Variants in RALYL observed in about 807,000 individuals in gnomAD.
RALYL encodes the protein RNA-binding Raly-like protein.
RALYL carries 29 observed loss-of-function variants against 35.1 expected under a neutral mutation model. The observed-to-expected ratio is 0.83, with a 90% CI of 0.61 to 1.13. RALYL has a LOEUF of 1.13. Among genes scored for constraint, RALYL ranks in the 50% most tolerant of loss-of-function variants. RALYL has a pLI of 0.00. For synonymous variants in RALYL, 120 were observed against 127.6 expected, an observed-to-expected ratio of 0.94 and a Z score of 0.40; for missense variants, 359 against 360.4, an observed-to-expected ratio of 1.00 and a Z score of 0.03.
At chr8:84,445,558 A>G (rs1268831672) in intron 1 of RALYL, among the ~76,000 whole-genome samples, 1 of 151,878 alleles carries the variant, frequency 6.6e-6, no homozygotes, top group Non-Finnish European at 1.5e-5. Flanking sequence ...TTGGAAATTA[A>G]ATCATTAAAA....
intron 1 of RALYL, among the ~76,000 whole-genome samples, chr8:84,462,929 TATTC>T (rs537982905): frequency 1.3e-5 from 2 of 151,896 alleles, no homozygotes; most frequent in Non-Finnish European, 1.5e-5. Context: ...TAACCTGAGT[TATTC>T]ATTCATTCAT....
intron 1 of RALYL, among the ~76,000 whole-genome samples, chr8:84,509,840 G>A (rs1168884599): frequency 6.6e-6 from 1 of 152,140 alleles, no homozygotes; most frequent in Non-Finnish European, 1.5e-5. Flanking sequence ...TCATATGGGT[G>A]TATTTCTGAG....
chr8:84,562,318 T>C (rs1476274669), intron 2 of RALYL, among the ~76,000 whole-genome samples: 3 of 151,858 alleles, frequency 2.0e-5, no homozygotes, highest in South Asian at 2.1e-4. Context: ...ACCTGCAGTA[T>C]TTTTTTATTC....
chr8:84,793,452 G>A (rs1289049460), intron 3 of RALYL, among the ~76,000 whole-genome samples: 2 of 152,178 alleles, frequency 1.3e-5, no homozygotes, highest in African/African-American at 2.4e-5. Context: ...GAGACCATTC[G>A]AGACATTGAC....
chr8:84,491,448 T>G (rs185920607), intron 1 of RALYL, among the ~76,000 whole-genome samples: 1 of 152,184 alleles, frequency 6.6e-6, no homozygotes, highest in East Asian at 1.9e-4. Context: ...AGTCAATGTT[T>G]GTTTATTTCC....
At chr8:84,343,386 G>C (rs1487038429) in intron 1 of RALYL, among the ~76,000 whole-genome samples, 1 of 151,956 alleles carries the variant, frequency 6.6e-6, no homozygotes, top group African/African-American at 2.4e-5. Flanking sequence ...TATCAATGCT[G>C]ACATTGATAC....
intron 1 of RALYL, among the ~76,000 whole-genome samples, chr8:84,413,912 C>G (rs1314113237): frequency 6.6e-6 from 1 of 151,914 alleles, no homozygotes; most frequent in African/African-American, 2.4e-5. Context: ...TTACTTTGAA[C>G]CTTATTTGTC....
intron 2 of RALYL, among the ~76,000 whole-genome samples, chr8:84,616,595 A>C (rs1467473164): frequency 4.7e-5 from 7 of 148,058 alleles, no homozygotes; most frequent in South Asian, 2.1e-4. Flanking sequence ...TCTTTAGTTT[A>C]ATTAGATCCC....
At chr8:84,305,308 G>C (rs1413599108) in intron 1 of RALYL, among the ~76,000 whole-genome samples, 1 of 152,110 alleles carries the variant, frequency 6.6e-6, no homozygotes, top group Non-Finnish European at 1.5e-5. Flanking sequence ...AGCTTTCACT[G>C]ATTCCTTGCT....
chr8:84,561,512 C>T (rs984139269), intron 2 of RALYL, among the ~76,000 whole-genome samples: 2 of 151,866 alleles, frequency 1.3e-5, no homozygotes, highest in African/African-American at 2.4e-5. Flanking sequence ...ATGTTTTTTC[C>T]TATACATACA....
chr8:84,640,314 AC>A (rs1237850698), intron 2 of RALYL, among the ~76,000 whole-genome samples: 1 of 152,014 alleles, frequency 6.6e-6, no homozygotes, highest in Non-Finnish European at 1.5e-5. Flanking sequence ...TTTTGATAAA[AC>A]CTAAAATGTT....
At chr8:84,688,470 G>A (rs1837300373) in intron 2 of RALYL, among the ~76,000 whole-genome samples, 1 of 152,176 alleles carries the variant, frequency 6.6e-6, no homozygotes, top group Admixed American at 6.6e-5. Flanking sequence ...ACACAATGGG[G>A]AAAGGAAAAT....
chr8:84,407,827 GCT>G (rs2043697453), intron 1 of RALYL, among the ~76,000 whole-genome samples: 1 of 151,952 alleles, frequency 6.6e-6, no homozygotes. Flanking sequence ...TATGAAACAG[GCT>G]TAGCATCATC....
intron 1 of RALYL, among the ~76,000 whole-genome samples, chr8:84,390,805 C>T (rs1233648206): frequency 6.6e-6 from 1 of 151,880 alleles, no homozygotes; most frequent in East Asian, 1.9e-4. Context: ...CTTGTCATGT[C>T]TAATAATGGG....
At chr8:84,286,925 G>A (rs1410255272) in intron 1 of RALYL, among the ~76,000 whole-genome samples, 3 of 152,146 alleles carry the variant, frequency 2.0e-5, no homozygotes, top group African/African-American at 7.2e-5. Context: ...AATCCATTTG[G>A]TGGGGGTCCC....
chr8:84,580,493 C>G (rs1242954598), intron 2 of RALYL, among the ~76,000 whole-genome samples: 1 of 152,184 alleles, frequency 6.6e-6, no homozygotes, highest in Non-Finnish European at 1.5e-5. Context: ...TTTTAAACAA[C>G]CAGCTCTTAT....
chr8:84,666,298 A>T (rs1013157493), intron 2 of RALYL, among the ~76,000 whole-genome samples: 2 of 152,080 alleles, frequency 1.3e-5, no homozygotes, highest in Non-Finnish European at 2.9e-5. Flanking sequence ...CTATTGAAAA[A>T]GGGCCTTCAT....
At chr8:84,479,628 A>T (rs2053844775) in intron 1 of RALYL, among the ~76,000 whole-genome samples, 1 of 152,164 alleles carries the variant, frequency 6.6e-6, no homozygotes, top group Non-Finnish European at 1.5e-5. Flanking sequence ...TATATCTAAT[A>T]ATTATTCTTA....
chr8:84,384,208 G>C (rs923927845), intron 1 of RALYL, among the ~76,000 whole-genome samples: 1 of 151,540 alleles, frequency 6.6e-6, no homozygotes, highest in Non-Finnish European at 1.5e-5. Flanking sequence ...CTTTAAAATG[G>C]GGATAACACT....
Sources: gnomAD v4.1 joint callset for allele counts (sites outside exome capture counted in the v4.1 genomes callset) on GRCh38, gnomAD v4.1.1 for gene constraint, MANE v1.5 for transcripts, NCBI Gene and HGNC (gene_info 2026-07-23, HGNC 2026-07-21) for gene names.